Variants in S100A5 observed in about 807,000 individuals in gnomAD.
The protein encoded by S100A5 is S100 calcium binding protein A5.
A neutral mutation model predicts 6.7 loss-of-function variants in S100A5; 5 were observed. The observed-to-expected ratio is 0.75, with a 90% CI of 0.39 to 1.57. The LOEUF (loss-of-function observed/expected upper bound fraction) is 1.57. S100A5 is among the 40% of genes most tolerant of loss of function. The pLI, the probability that S100A5 is intolerant of heterozygous loss-of-function variation, is 0.03. For missense variants in S100A5, 129 were observed against 110.8 expected, an observed-to-expected ratio of 1.16 and a Z score of -0.74; for synonymous variants, 49 against 44.9, an observed-to-expected ratio of 1.09 and a Z score of -0.37.
intron 2 of S100A5, among the ~76,000 whole-genome samples, chr1:153,539,607 A>G (rs1003085771): frequency 2.6e-5 from 4 of 151,214 alleles, no homozygotes; most frequent in African/African-American, 9.7e-5. Context: ...CCCTATGTTT[A>G]CAAGTTAACC....
chr1:153,542,280 C>T (rs929782870), upstream of S100A5, among the ~76,000 whole-genome samples: 3 of 152,184 alleles, frequency 2.0e-5, no homozygotes, highest in African/African-American at 7.2e-5. Context: ...TGCAGTCCCA[C>T]CCCAGCCTGG....
At chr1:153,543,047 C>G (rs895229181), upstream of S100A5, among the ~76,000 whole-genome samples, 1 of 152,104 alleles carries the variant, frequency 6.6e-6, no homozygotes, top group African/African-American at 2.4e-5. Flanking sequence ...CCACATTGCC[C>G]TCCCTGATCC....
chr1:153,540,065 A>G lies in S100A5; in HGVS notation c.127T>C (p.Cys43Arg). 6.2e-7 allele frequency: 1 copy of G among 1,614,124 alleles called. No individual in the cohort carries two copies. Among genetic ancestry groups the G allele is most frequent in the Non-Finnish European group, 8.5e-7 (1 of 1,180,010 alleles). The change falls in exon 2 of 3, where the codon TGT becomes CGT. Residue 43 changes from cysteine to arginine, a missense_variant. Coordinates refer to ENST00000368717, the MANE Select transcript of S100A5 (RefSeq NM_001394232.1). ...ELKELIKKEL[C>R]LGEMKESSID... Reference sequence around the variant, plus strand: ...GAACAATCACCTACCTCCCCAAGACACAGCTCTTTCTTGATCAGCTCCTTG... The same window carrying G: ...GAACAATCACCTACCTCCCCAAGACGCAGCTCTTTCTTGATCAGCTCCTTG...
Position 153,540,163 on chromosome 1 carries a change from G to C in S100A5, c.29C>G (p.Thr10Ser). 6.2e-7 allele frequency: 1 copy of C among 1,614,096 alleles called. No homozygotes were observed. Among genetic ancestry groups the C allele is most frequent in the Non-Finnish European group, 8.5e-7 (1 of 1,180,018 alleles). The part of the protein sequence containing the change: METPLEKAL[T>S]TMVTTFHKYS... The stretch of plus-strand genomic sequence containing the variant: ...TTTGTGAAACGTGGTCACCATAGTG[G>C]TCAGGGCCTTCTCCAGAGGAGTCTC... The change falls in exon 2 of 3, where the codon ACC (threonine) becomes AGC (serine). Residue 10 changes from threonine to serine, a missense_variant. Physicochemically the swap from Thr to Ser is moderately conservative, Grantham distance 58. Coordinates refer to ENST00000368717, the MANE Select transcript of S100A5 (RefSeq NM_001394232.1).
chr1:153,542,669 A>T (rs73026336), upstream of S100A5, among the ~76,000 whole-genome samples: 2,823 of 152,250 alleles, frequency 0.019, 95 homozygotes, highest in African/African-American at 0.064. Flanking sequence ...AAGATCCCTG[A>T]GTCACCCAGA....
rs774778690 is a variant in S100A5, at chr1:153,537,383, G to A, written c.192C>T (p.Asp64=). ...DLMKSLDKNS[D]QEIDFKEYSV... ...AGTACTCCTTGAAGTCGATCTCCTG[G>A]TCGCTGTTCTTGTCCAGGCTCTTCA... Residue 64 remains aspartate, a synonymous_variant, in exon 3 of 3, where the codon GAC becomes GAT. Transcript: ENST00000368717. The A allele has an allele frequency of 1.6e-5, 26 of 1,614,052 alleles. No homozygotes were observed. Among genetic ancestry groups the A allele is most frequent in the Non-Finnish European group, 2.1e-5 (25 of 1,180,030 alleles).
intron 2 of S100A5, 113 bp downstream of exon 2, chr1:153,539,941 A>G: frequency 7.9e-7 from 1 of 1,262,682 alleles, no homozygotes. Context: ...CTCTGTCTGT[A>G]GCCCTTGGCC....
At chr1:153,539,135 T>C (rs115517381) in intron 2 of S100A5, among the ~76,000 whole-genome samples, 4,346 of 148,534 alleles carry the variant, frequency 0.029, 234 homozygotes, top group African/African-American at 0.1. Flanking sequence ...GTCTCAAAAA[T>C]ATTTATCCTT....
intron 2 of S100A5, among the ~76,000 whole-genome samples, chr1:153,539,477 T>TTA (rs1557889189): frequency 1.4e-5 from 1 of 73,040 alleles, no homozygotes. Context: ...ATATATATAT[T>TTA]TATTTATTTA....
chr1:153,542,731 C>A (rs181124080), upstream of S100A5, among the ~76,000 whole-genome samples: 107 of 152,294 alleles, frequency 7.0e-4, 1 homozygote, highest in African/African-American at 2.5e-3. Context: ...GAGCCACTGG[C>A]CTTGAACCTA....
At chr1:153,538,416 A>G (rs1440024837) in intron 2 of S100A5, among the ~76,000 whole-genome samples, 1 of 152,174 alleles carries the variant, frequency 6.6e-6, no homozygotes, top group African/African-American at 2.4e-5. Flanking sequence ...GGGACTTACA[A>G]AGGCGGAAAC....
upstream of S100A5, among the ~76,000 whole-genome samples, chr1:153,542,968 C>A (rs1307939687): frequency 6.6e-6 from 1 of 152,116 alleles, no homozygotes; most frequent in East Asian, 1.9e-4. Context: ...ATCCAGGGAC[C>A]TTTATGGCAG....
At chr1:153,542,232 G>A (rs1191030865), upstream of S100A5, among the ~76,000 whole-genome samples, 1 of 152,188 alleles carries the variant, frequency 6.6e-6, no homozygotes, top group African/African-American at 2.4e-5. Context: ...ACCAGTCCAA[G>A]AACAGACCTG....
Position 153,537,234 on chromosome 1 carries a change from G to C in S100A5, c.*62C>G. 6.3e-7 allele frequency: 1 copy of C among 1,580,392 alleles called. No individual in the cohort carries two copies. Among genetic ancestry groups the C allele is most frequent in the South Asian group, 1.1e-5 (1 of 88,196 alleles). On this transcript the variant is annotated 3_prime_UTR_variant, in exon 3 of 3. Transcript: ENST00000368717. ...GAGGGCAGGGGGCCAAAGAGGGTCT[G>C]TGAGAGGAGCAGCCGAGGTCAGCAG...
intron 2 of S100A5, among the ~76,000 whole-genome samples, chr1:153,539,838 A>C (rs1347690037): frequency 6.6e-6 from 1 of 152,024 alleles, no homozygotes; most frequent in Non-Finnish European, 1.5e-5. Context: ...CTCCAGACTC[A>C]GCCCTTCCTC....
At chr1:153,541,297 G>A (rs1418603898), upstream of S100A5, 16 of 1,111,594 alleles carry the variant, frequency 1.4e-5, no homozygotes, top group Non-Finnish European at 1.8e-5. Flanking sequence ...GGCCTCCTTG[G>A]TGGAGGTCAC....
intron 2 of S100A5, among the ~76,000 whole-genome samples, chr1:153,539,531 C>T (rs1011596439): frequency 1.4e-5 from 2 of 146,490 alleles, no homozygotes; most frequent in African/African-American, 5.1e-5. Flanking sequence ...CATGGGCCTT[C>T]CCCTCTGTCA....
At chr1:153,542,211 A>G (rs73026327), upstream of S100A5, among the ~76,000 whole-genome samples, 2,905 of 152,272 alleles carry the variant, frequency 0.019, 102 homozygotes, top group African/African-American at 0.066. Flanking sequence ...GTAGAACAAC[A>G]TACTTCTACC....
At chr1:153,540,343 T>G (rs1665345951) in intron 1 of S100A5, 138 bp from the exon 2 acceptor site, 9 of 790,992 alleles carry the variant, frequency 1.1e-5, no homozygotes, top group Non-Finnish European at 2.0e-6. Flanking sequence ...AGAGCGCCCA[T>G]CTATATCAGT....
Sources: gnomAD v4.1 joint callset for allele counts (sites outside exome capture counted in the v4.1 genomes callset) on GRCh38, gnomAD v4.1.1 for gene constraint, MANE v1.5 for transcripts, NCBI Gene and HGNC (gene_info 2026-07-23, HGNC 2026-07-21) for gene names.